Variants in BCCIP observed in about 807,000 individuals in gnomAD.
BCCIP encodes BRCA2 and CDKN1A interacting protein.
BCCIP carries 23 observed loss-of-function variants against 32.8 expected under a neutral mutation model. The ratio of observed to expected loss-of-function variants is 0.70; its 90% CI spans 0.51 to 0.99. BCCIP has a LOEUF of 0.99. Ranked by LOEUF, BCCIP falls within the 50% of genes least tolerant of loss-of-function variation. BCCIP has a pLI of 0.00. For synonymous variants in BCCIP, 144 were observed against 137.6 expected (o/e 1.05, Z -0.33); for missense variants, 378 against 379.8 (o/e 1.00, Z 0.04).
rs1854429499 is a variant in BCCIP, at chr10:125,827,616, A to C, written c.299A>C (p.Asn100Thr). The change falls in exon 3 of 7, where the codon AAC (asparagine) becomes ACC (threonine). Residue 100 changes from asparagine (N) to threonine (T), a missense_variant. By Grantham distance (65) the Asn-to-Thr change is moderately conservative. Coordinates refer to ENST00000278100, the MANE Select transcript of BCCIP (RefSeq NM_078468.3). ...AELTDLLIQQ[N>T]HIGSVIKQTD... ...CTAACAGATCTCTTAATTCAACAGA[A>C]CCATATTGGGAGTGTGATTAAGGTA... 2 of 1,611,564 alleles carry C rather than the reference A, an allele frequency of 1.2e-6. No individual in the cohort carries two copies. The highest frequency in any genetic ancestry group is 2.7e-5 in the African/African-American group (2 of 74,882).
chr10:125,842,229 G>A (rs1017851903), exon 7 of BCCIP: 25 of 343,192 alleles, frequency 7.3e-5, no homozygotes, highest in African/African-American at 5.4e-4. Flanking sequence ...GGAAAACAAT[G>A]CCAGGGATCC....
At chr10:125,824,534 T>A (rs1175656215) in intron 1 of BCCIP, among the ~76,000 whole-genome samples, 1 of 152,232 alleles carries the variant, frequency 6.6e-6, no homozygotes, top group East Asian at 1.9e-4. Context: ...GGGGCTTAAC[T>A]TTAATTCCTC....
intron 7 of BCCIP, chr10:125,853,054 A>T: frequency 2.6e-6 from 3 of 1,136,912 alleles, no homozygotes; most frequent in Non-Finnish European, 2.6e-6. Context: ...TTTACAACAC[A>T]TACTGAGAGT....
At position 125,852,610 on chromosome 10, in the gene BCCIP, G is replaced by A. The variant is rs1320735651; in HGVS notation, c.851-515G>A. On this transcript the variant is annotated intron_variant, in intron 7 of 7. Transcript: ENST00000368759. The stretch of plus-strand genomic sequence containing the variant: ...GGCTCTGGCTGATGGGCTGCATGAC[G>A]AGCGAGTTTGCTCTTATTCTCGGGT... The A allele has an allele frequency of 3.1e-5, 50 of 1,612,610 alleles. No individual in the cohort carries two copies. The highest frequency in any genetic ancestry group is 4.1e-5 in the Non-Finnish European group (48 of 1,179,694).
Position 125,829,069 on chromosome 10 carries a change from G to T in BCCIP, c.321+1431G>T, listed in dbSNP as rs528164614. 3.3e-5 allele frequency among the ~76,000 whole-genome samples: 5 copies of T among 152,292 alleles called. 1 individual carries two copies. In the South Asian group the frequency reaches 1.0e-3, roughly 32 times the overall value. On this transcript the variant is annotated intron_variant, in intron 3 of 6. Coordinates refer to ENST00000278100, the MANE Select transcript of BCCIP (RefSeq NM_078468.3). Reference sequence around the variant, plus strand: ...TTTACAGATAGAAATTTCTATCTAGGGGGAGGGCACATTGATCCCACCACT... The same window carrying T: ...TTTACAGATAGAAATTTCTATCTAGTGGGAGGGCACATTGATCCCACCACT...
Position 125,836,450 on chromosome 10 carries a change from A to G in BCCIP, c.*176A>G. ...TACCAGTTTTTTAAAATTTTGGTCA[A>G]ATTATGAGTGGTTGATTTAAAAACT... On this transcript the variant is annotated 3_prime_UTR_variant, in exon 7 of 7. Coordinates refer to ENST00000278100, the MANE Select transcript of BCCIP (RefSeq NM_078468.3). 4 of 1,421,168 alleles carry G rather than the reference A, an allele frequency of 2.8e-6. No homozygotes were observed. Among genetic ancestry groups the G allele is most frequent in the Non-Finnish European group, 3.7e-6 (4 of 1,092,824 alleles). 88.0% of individuals were successfully genotyped at this position (1,421,168 alleles called of 1,614,324 possible).
chr10:125,841,599 CCTCA>C (rs770787508), exon 7 of BCCIP: 13 of 1,449,344 alleles, frequency 9.0e-6, no homozygotes, highest in East Asian at 5.0e-5. Flanking sequence ...TATTAAAATA[CCTCA>C]CTATCATTTC....
intron 6 of BCCIP, among the ~76,000 whole-genome samples, chr10:125,835,118 GC>G (rs1254878594): frequency 6.6e-6 from 1 of 151,820 alleles, no homozygotes; most frequent in African/African-American, 2.4e-5. Context: ...GGGCGACAGA[GC>G]GAGACTCTGT....
Position 125,831,626 on chromosome 10 carries a change from A to G in BCCIP, c.599+19A>G, listed in dbSNP as rs775583762. On this transcript the variant is annotated intron_variant, in intron 5 of 6. Transcript: ENST00000278100. The stretch of plus-strand genomic sequence containing the variant: ...AGCTTCAGTAAGAGATTCTGGGAAA[A>G]TATCTTTGAACAGTAATTTTTTTTT... The G allele has an allele frequency of 1.1e-5, 18 of 1,591,600 alleles. No homozygotes were observed. The highest frequency in any genetic ancestry group is 1.5e-5 in the Non-Finnish European group (17 of 1,169,074).
At chr10:125,844,268 C>T (rs184559201), downstream of BCCIP, among the ~76,000 whole-genome samples, 49 of 152,322 alleles carry the variant, frequency 3.2e-4, no homozygotes, top group East Asian at 8.3e-3. Context: ...GGAGTACAAA[C>T]TTAACTACTG....
At chr10:125,831,334 G>C (rs925849363) in intron 4 of BCCIP, 86 bp from the exon 5 acceptor site, 1 of 1,356,980 alleles carries the variant, frequency 7.4e-7, no homozygotes, top group Admixed American at 2.1e-5. Flanking sequence ...TTAGCTGTAA[G>C]ATGAAAAGTG....
chr10:125,847,317 T>G (rs1944034687), downstream of BCCIP, among the ~76,000 whole-genome samples: 1 of 152,232 alleles, frequency 6.6e-6, no homozygotes. Context: ...CTCAGTTCCC[T>G]TATCATAATT....
chr10:125,826,716 G>C, intron 2 of BCCIP, 51 bp downstream of exon 2: 2 of 1,601,494 alleles, frequency 1.2e-6, no homozygotes, highest in Non-Finnish European at 1.7e-6. Flanking sequence ...AGAAAAATCA[G>C]GGGCCGGGTG....
At chr10:125,839,868 A>C (rs989895392), downstream of BCCIP, among the ~76,000 whole-genome samples, 4 of 152,084 alleles carry the variant, frequency 2.6e-5, no homozygotes, top group Non-Finnish European at 5.9e-5. Flanking sequence ...TGTCCTGTCC[A>C]CTCATGCTGC....
chr10:125,851,483 TCTA>T (rs1944088608), intron 7 of BCCIP, among the ~76,000 whole-genome samples: 1 of 152,144 alleles, frequency 6.6e-6, no homozygotes, highest in Non-Finnish European at 1.5e-5. Flanking sequence ...CCACCAAACA[TCTA>T]CTACCCTGAG....
intron 5 of BCCIP, 120 bp from the exon 6 acceptor site, chr10:125,833,652 G>A: frequency 2.3e-6 from 2 of 855,120 alleles, no homozygotes; most frequent in Non-Finnish European, 3.7e-6. Context: ...TGTTCAGATT[G>A]AATGCCTGCG....
At chr10:125,833,648 G>C in intron 5 of BCCIP, 124 bp from the exon 6 acceptor site, 1 of 831,204 alleles carries the variant, frequency 1.2e-6, no homozygotes, top group Non-Finnish European at 1.9e-6. Context: ...TAAGTGTTCA[G>C]ATTGAATGCC....
At chr10:125,827,122 GTTATT>G (rs930592707) in intron 2 of BCCIP, among the ~76,000 whole-genome samples, 3 of 150,952 alleles carry the variant, frequency 2.0e-5, no homozygotes, top group African/African-American at 7.3e-5. Context: ...GCTAATTAGA[GTTATT>G]TTGTTTTTTT....
downstream of BCCIP, chr10:125,839,033 TTA>T: frequency 6.2e-7 from 1 of 1,614,100 alleles, no homozygotes; most frequent in Non-Finnish European, 8.5e-7. Context: ...AGAGCTTTCT[TTA>T]TGTTTAGAGT....
Sources: gnomAD v4.1 joint callset for allele counts (sites outside exome capture counted in the v4.1 genomes callset) on GRCh38, gnomAD v4.1.1 for gene constraint, MANE v1.5 for transcripts, NCBI Gene and HGNC (gene_info 2026-07-23, HGNC 2026-07-21) for gene names.